DLG2: variants seen among roughly 807,000 people sequenced by gnomAD.
The protein encoded by DLG2 is disks large homolog 2.
In DLG2, 45 loss-of-function variants were observed where a neutral mutation model predicts 132.5. That is an observed-to-expected ratio of 0.34 (90% CI 0.27 to 0.44). The LOEUF (loss-of-function observed/expected upper bound fraction) is 0.44. Among genes scored for constraint, DLG2 ranks in the 20% least tolerant of loss-of-function variants. The pLI, the probability that DLG2 is intolerant of heterozygous loss-of-function variation, is 1.00. For missense variants in DLG2, 1,045 were observed against 1,196.9 expected, an observed-to-expected ratio of 0.87 and a Z score of 1.87; for synonymous variants, 424 against 419.6, an observed-to-expected ratio of 1.01 and a Z score of -0.13.
At chr11:84,327,230 C>T (rs576170081) in intron 7 of DLG2, among the ~76,000 whole-genome samples, 1 of 150,428 alleles carries the variant, frequency 6.6e-6, no homozygotes, top group South Asian at 2.1e-4. Flanking sequence ...ATTACAGGCA[C>T]ACACCACCAT....
At chr11:84,924,452 C>A (rs2092902312) in intron 6 of DLG2, among the ~76,000 whole-genome samples, 3 of 152,162 alleles carry the variant, frequency 2.0e-5, no homozygotes, top group African/African-American at 7.2e-5. Context: ...CTTTAATATG[C>A]TTTGCATAAG....
intron 7 of DLG2, among the ~76,000 whole-genome samples, chr11:84,291,349 G>A (rs1238831221): frequency 6.6e-6 from 1 of 152,128 alleles, no homozygotes; most frequent in Non-Finnish European, 1.5e-5. Context: ...AATGGGCAAT[G>A]CGCAAATCCT....
intron 11 of DLG2, among the ~76,000 whole-genome samples, chr11:83,995,824 C>G (rs1197634896): frequency 1.3e-5 from 2 of 152,046 alleles, no homozygotes; most frequent in African/African-American, 4.8e-5. Context: ...AAAATCAAAT[C>G]AAAAGGCATT....
chr11:84,026,147 G>C, intron 11 of DLG2, among the ~76,000 whole-genome samples: 1 of 152,020 alleles, frequency 6.6e-6, no homozygotes, highest in Admixed American at 6.6e-5. Flanking sequence ...GAGGCACCAA[G>C]GCAGAGTTGT....
At chr11:85,586,472 A>G (rs570172620) in intron 3 of DLG2, among the ~76,000 whole-genome samples, 2 of 152,272 alleles carry the variant, frequency 1.3e-5, no homozygotes, top group South Asian at 4.1e-4. Context: ...CATCTCCTCT[A>G]CATTTTCTAG....
chr11:84,545,547 G>T (rs543902622), intron 6 of DLG2: 2 of 387,104 alleles, frequency 5.2e-6, no homozygotes, highest in South Asian at 4.4e-5. Flanking sequence ...CTTTGACAGG[G>T]ATGAATTTAC....
At chr11:84,611,201 T>C (rs1257636442) in intron 6 of DLG2, among the ~76,000 whole-genome samples, 2 of 152,158 alleles carry the variant, frequency 1.3e-5, no homozygotes, top group East Asian at 3.9e-4. Context: ...AATAGTTTTG[T>C]CCTTAGTACC....
intron 3 of DLG2, chr11:85,453,063 A>G (rs940432296): frequency 3.7e-5 from 7 of 191,126 alleles, no homozygotes; most frequent in Middle Eastern, 2.5e-3. Context: ...CACAAAGAAA[A>G]GAGAGGAGCA....
At chr11:85,319,753 G>C (rs976086412) in intron 3 of DLG2, among the ~76,000 whole-genome samples, 3 of 151,786 alleles carry the variant, frequency 2.0e-5, no homozygotes, top group Non-Finnish European at 3.0e-5. Flanking sequence ...ATTCAACACA[G>C]TATAACTTTA....
intron 3 of DLG2, among the ~76,000 whole-genome samples, chr11:85,393,949 G>A (rs1435344437): frequency 2.0e-5 from 3 of 152,020 alleles, no homozygotes; most frequent in African/African-American, 7.2e-5. Flanking sequence ...CTACACACTG[G>A]GTACAGTGTA....
At chr11:84,707,281 A>G (rs1287368458) in intron 6 of DLG2, among the ~76,000 whole-genome samples, 2 of 151,814 alleles carry the variant, frequency 1.3e-5, no homozygotes, top group African/African-American at 4.8e-5. Context: ...AGCTATCTTT[A>G]CAGAGAGATA....
intron 11 of DLG2, among the ~76,000 whole-genome samples, chr11:84,029,699 C>T (rs1428774320): frequency 6.6e-6 from 1 of 152,122 alleles, no homozygotes; most frequent in African/African-American, 2.4e-5. Context: ...ACTTATCTGT[C>T]CAGCTATGCC....
At chr11:83,688,344 T>A (rs1166451367) in intron 18 of DLG2, among the ~76,000 whole-genome samples, 1 of 152,176 alleles carries the variant, frequency 6.6e-6, no homozygotes, top group African/African-American at 2.4e-5. Flanking sequence ...CTTGTGCGAA[T>A]GTCTGAGGAT....
intron 7 of DLG2, among the ~76,000 whole-genome samples, chr11:84,293,531 G>T (rs993118269): frequency 6.6e-6 from 1 of 151,980 alleles, no homozygotes; most frequent in Non-Finnish European, 1.5e-5. Flanking sequence ...AAAATTAGCC[G>T]TGCATAGTGG....
At chr11:84,251,162 G>T in intron 8 of DLG2, 76 bp downstream of exon 8, 2 of 892,668 alleles carry the variant, frequency 2.2e-6, no homozygotes, top group Non-Finnish European at 3.4e-6. Flanking sequence ...GAAACTAAAT[G>T]TGAATTGAAT....
rs745894007 is a variant in DLG2, at chr11:85,461,035, T to C, written c.40+137622A>G. Among the ~76,000 whole-genome samples the C allele has an allele frequency of 6.2e-4, 95 of 152,362 alleles. 1 individual carries two copies. Among genetic ancestry groups the C allele is most frequent in the Non-Finnish European group, 1.2e-3 (80 of 68,024 alleles). The stretch of plus-strand genomic sequence containing the variant: ...ATTTCTCAAAGAACCACTGCAAATA[T>C]ATGTTTTCATTTAAAAGCTTCTATT... On this transcript the variant is annotated intron_variant, in intron 3 of 27. Coordinates refer to ENST00000376104, the MANE Select transcript of DLG2 (RefSeq NM_001142699.3).
At chr11:84,160,645 T>A (rs2095526524) in intron 9 of DLG2, among the ~76,000 whole-genome samples, 1 of 152,186 alleles carries the variant, frequency 6.6e-6, no homozygotes, top group Admixed American at 6.6e-5. Flanking sequence ...AAAGATATAC[T>A]GTGCCTGAGT....
At chr11:84,253,391 T>G (rs2097418117) in intron 7 of DLG2, among the ~76,000 whole-genome samples, 1 of 152,176 alleles carries the variant, frequency 6.6e-6, no homozygotes, top group Non-Finnish European at 1.5e-5. Context: ...CCAAAAAGGT[T>G]GAAGATCAAA....
chr11:83,939,264 G>A lies in DLG2; in HGVS notation c.1341-8781C>T, dbSNP rs141052722. Among the ~76,000 whole-genome samples, 899 of 152,300 alleles carry A rather than the reference G, an allele frequency of 5.9e-3. 4 individuals carry two copies. Among genetic ancestry groups the A allele is most frequent in the Middle Eastern group, 0.048 (14 of 294 alleles). On this transcript the variant is annotated intron_variant, in intron 14 of 27. Coordinates refer to ENST00000376104, the MANE Select transcript of DLG2 (RefSeq NM_001142699.3). ...ATTCAGCTCTCGCTAGCAGATGAGT[G>A]ACCTGGTCCTTATGAGTTTGGTTTG...
Sources: gnomAD v4.1 joint callset for allele counts (sites outside exome capture counted in the v4.1 genomes callset) on GRCh38, gnomAD v4.1.1 for gene constraint, MANE v1.5 for transcripts, NCBI Gene and HGNC (gene_info 2026-07-23, HGNC 2026-07-21) for gene names.